WDR97: variants seen among roughly 807,000 people sequenced by gnomAD.
WDR97 encodes WD repeat domain 97, also known as WD repeat-containing protein 97.
In WDR97, 111 loss-of-function variants were observed where a neutral mutation model predicts 65.4. The observed-to-expected ratio is 1.70, with a 90% CI of 1.45 to 1.99. The LOEUF (loss-of-function observed/expected upper bound fraction) is 1.99. Among genes scored for constraint, WDR97 ranks in the 30% most tolerant of loss-of-function variants. WDR97 has a pLI of 0.00. For synonymous variants in WDR97, 802 were observed against 397.7 expected, an observed-to-expected ratio of 2.02 and a Z score of -12.10; for missense variants, 1,674 against 865.0, an observed-to-expected ratio of 1.94 and a Z score of -11.73.
At position 144,115,374 on chromosome 8, in the gene WDR97, G is replaced by A. The variant is rs575636670; in HGVS notation, c.4111G>A (p.Ala1371Thr). 8.5e-5 allele frequency: 52 copies of A among 614,996 alleles called. No homozygotes were observed. In the African/African-American group the frequency reaches 9.4e-4, roughly 11 times the overall value. The allele number at this position is 614,996 out of a possible 1,614,324, so 38.1% of individuals were successfully genotyped here. A position where few individuals can be genotyped will look rare whatever the true frequency, so the allele number is the denominator to read the frequency against. ...TPSQTSVVSG[A>T]PTRASVIPSG... The stretch of plus-strand genomic sequence containing the variant: ...ATCGCAGACGTCAGTGGTCTCTGGG[G>A]CACCCACACGCGCCTCCGTGATACC... The change falls in exon 22 of 24, where the codon GCA becomes ACA. Residue 1371 changes from alanine (A) to threonine (T), a missense_variant. By Grantham distance (58) the Ala-to-Thr change is moderately conservative. Transcript: ENST00000323662.
At chr8:144,111,071 C>T in intron 9 of WDR97, 30 bp from the exon 10 acceptor site, 1 of 702,728 alleles carries the variant, frequency 1.4e-6, no homozygotes, top group Non-Finnish European at 2.6e-6. Context: ...GTTCCCCCAG[C>T]CAGGGATACA....
At chr8:144,113,621 G>C (rs1165296431) in intron 16 of WDR97, 36 bp from the exon 17 acceptor site, 2 of 653,884 alleles carry the variant, frequency 3.1e-6, no homozygotes, top group South Asian at 3.3e-5. Flanking sequence ...TGCTGTCCTT[G>C]CAACCCATCA....
rs993884878 is a variant in WDR97 at position 144,109,251 on chromosome 8, G to T, written c.1000+81G>T. The stretch of plus-strand genomic sequence containing the variant: ...GCTGTCCAGCATCTCCGCAGCTCCG[G>T]CCAGGCCTTGCTGCGCTGACTGCAA... On this transcript the variant is annotated intron_variant, in intron 4 of 23. Transcript: ENST00000323662. 5 of 700,022 alleles carry T rather than the reference G, an allele frequency of 7.1e-6. No individual in the cohort carries two copies. In the Admixed American group the frequency reaches 1.0e-4, roughly 14 times the overall value. 43.4% of individuals were successfully genotyped at this position (700,022 alleles called of 1,614,324 possible). A position where few individuals can be genotyped will look rare whatever the true frequency, so the allele number is the denominator to read the frequency against.
chr8:144,116,604 TACTAGGTGTTG>T lies in WDR97; in HGVS notation c.*313_*323del, dbSNP rs1836673447. ...ACTGAGCAAACGTTTTCTGCTCAAG[TACTAGGTGTTG>T]AGATGCGGGCTGACCTTAGAGAACG... On this transcript the variant is annotated 3_prime_UTR_variant, in exon 24 of 24. Coordinates refer to ENST00000323662, the MANE Select transcript of WDR97 (RefSeq NM_001316309.2). The T allele has an allele frequency of 3.5e-6, 1 of 282,378 alleles. No individual in the cohort carries two copies. Among genetic ancestry groups the T allele is most frequent in the Non-Finnish European group, 6.6e-6 (1 of 152,254 alleles). The allele number at this position is 282,378 out of a possible 1,614,324, so 17.5% of individuals were successfully genotyped here. A position where few individuals can be genotyped will look rare whatever the true frequency, so the allele number is the denominator to read the frequency against.
At position 144,115,489 on chromosome 8, in the gene WDR97, C is replaced by G. The variant is rs1421549225; in HGVS notation, c.4226C>G (p.Pro1409Arg). 5.7e-6 allele frequency: 4 copies of G among 696,268 alleles called. No individual in the cohort carries two copies. The highest frequency in any genetic ancestry group is 2.7e-5 in the East Asian group (1 of 37,118). The allele number at this position is 696,268 out of a possible 1,614,324, so 43.1% of individuals were successfully genotyped here. The change falls in exon 22 of 24, where the codon CCG (proline) becomes CGG (arginine). Residue 1409 changes from proline to arginine, a missense_variant. By Grantham distance (103) the Pro-to-Arg change is moderately radical. Transcript: ENST00000323662. ...VPLMVVSPAE[P>R]HSLAPELQAQ... ...TTGATGGTGGTCTCACCTGCGGAGCCGCACTCTTTAGCCCCGGAGCTCCAG... is the reference window on the plus strand; with the variant it reads ...TTGATGGTGGTCTCACCTGCGGAGCGGCACTCTTTAGCCCCGGAGCTCCAG...
At position 144,108,135 on chromosome 8, in the gene WDR97, C is replaced by T. The variant is rs1175709968; in HGVS notation, c.189C>T (p.Arg63=). Residue 63 remains arginine (R), a synonymous_variant, in exon 2 of 24, where the codon CGC becomes CGT. Coordinates refer to ENST00000323662, the MANE Select transcript of WDR97 (RefSeq NM_001316309.2). The part of the protein sequence containing the change: ...SSQQWQSLTP[R]ARARRLWLLL... ...AACAGTGGCAAAGCCTGACCCCGCGCGCCCGCGCCCGCCGGCTGTGGCTGC... is the reference window on the plus strand; with the variant it reads ...AACAGTGGCAAAGCCTGACCCCGCGTGCCCGCGCCCGCCGGCTGTGGCTGC... 7.1e-6 allele frequency: 5 copies of T among 702,332 alleles called. No homozygotes were observed. The highest frequency in any genetic ancestry group is 3.0e-5 in the South Asian group (2 of 67,578). 43.5% of individuals were successfully genotyped at this position (702,332 alleles called of 1,614,324 possible).
In WDR97 at chr8:144,117,754, TA is replaced by T. The variant is rs1303686937; in HGVS notation, c.*1462del. The T allele has an allele frequency of 6.6e-6, 1 of 152,298 alleles. No homozygotes were observed. The highest frequency in any genetic ancestry group is 1.5e-5 in the Non-Finnish European group (1 of 68,128). 9.4% of individuals were successfully genotyped at this position (152,298 alleles called of 1,614,324 possible). On this transcript the variant is annotated 3_prime_UTR_variant, in exon 24 of 24. Coordinates refer to ENST00000323662, the MANE Select transcript of WDR97 (RefSeq NM_001316309.2). ...CCTCAGCCTCCTGAGTAGCTGGGAT[TA>T]CAGGCATGTGCCACCACGCCCAGCT...
chr8:144,116,230 C>G lies in WDR97; in HGVS notation c.4806C>G (p.Leu1602=). 1.5e-6 allele frequency: 1 copy of G among 682,224 alleles called. No individual in the cohort carries two copies. The highest frequency in any genetic ancestry group is 2.7e-6 in the Non-Finnish European group (1 of 373,818). 42.3% of individuals were successfully genotyped at this position (682,224 alleles called of 1,614,324 possible). ...CCCCGCGCCCGCTGCCCCCGCGGCT[C>G]CTGCAGCCGGCCCTGCAGCGCTACT... The part of the protein sequence containing the change: ...PMPPRPLPPR[L]LQPALQRYFL... The change falls in exon 24 of 24, where the codon CTC becomes CTG. Residue 1602 remains leucine (L), a synonymous_variant. Transcript: ENST00000323662.
Position 144,114,414 on chromosome 8 carries a change from A to C in WDR97, c.3731A>C (p.Gln1244Pro), listed in dbSNP as rs138789214. ...CTGCCCAACATGAGCAGTGATCTCCAAGGCCAGCTGCAGGGCCTGCTCGTA... is the reference window on the plus strand; with the variant it reads ...CTGCCCAACATGAGCAGTGATCTCCCAGGCCAGCTGCAGGGCCTGCTCGTA... The part of the protein sequence containing the change: ...RLLPNMSSDL[Q>P]GQLQGLLVHL... The change falls in exon 19 of 24, where the codon CAA becomes CCA. Residue 1244 changes from glutamine (Q) to proline (P), a missense_variant. Coordinates refer to ENST00000323662, the MANE Select transcript of WDR97 (RefSeq NM_001316309.2). The C allele has an allele frequency of 4.6e-4, 321 of 702,804 alleles. 1 individual carries two copies. In the African/African-American group the frequency reaches 4.9e-3, roughly 11 times the overall value. The allele number at this position is 702,804 out of a possible 1,614,324, so 43.5% of individuals were successfully genotyped here.
chr8:144,108,294 GCC>G lies in WDR97; in HGVS notation c.250-20_250-19del. 8.7e-6 allele frequency: 6 copies of G among 691,364 alleles called. No homozygotes were observed. Among genetic ancestry groups the G allele is most frequent in the Non-Finnish European group, 1.6e-5 (6 of 381,342 alleles). The allele number at this position is 691,364 out of a possible 1,614,324, so 42.8% of individuals were successfully genotyped here. On this transcript the variant is annotated intron_variant, in intron 2 of 23. Coordinates refer to ENST00000323662, the MANE Select transcript of WDR97 (RefSeq NM_001316309.2). ...GAGTAGCCCCAACCTTTGATTGCGG[GCC>G]CGCCCACCCCGGCCCACAGGAGAAG... is the stretch of plus-strand genomic sequence containing the variant.
chr8:144,116,104 C>T lies in WDR97; in HGVS notation c.4680C>T (p.Ser1560=), dbSNP rs1836657570. The part of the protein sequence containing the change: ...SAMRLRGPMR[S]RLCAGRTLDG... ...GCCCGCCCCCAGGCCCCATGCGGTC[C>T]CGGCTCTGTGCGGGCCGCACCCTGG... Residue 1560 remains serine (S), a synonymous_variant, in exon 24 of 24, where the codon TCC becomes TCT. Coordinates refer to ENST00000323662, the MANE Select transcript of WDR97 (RefSeq NM_001316309.2). 1.4e-6 allele frequency: 1 copy of T among 695,612 alleles called. No homozygotes were observed. Among genetic ancestry groups the T allele is most frequent in the East Asian group, 2.7e-5 (1 of 37,104 alleles). 43.1% of individuals were successfully genotyped at this position (695,612 alleles called of 1,614,324 possible). A position where few individuals can be genotyped will look rare whatever the true frequency, so the allele number is the denominator to read the frequency against.
chr8:144,109,603 C>G lies in WDR97; in HGVS notation c.1269C>G (p.Ala423=), dbSNP rs1318371682. 3 of 689,108 alleles carry G rather than the reference C, an allele frequency of 4.4e-6. No individual in the cohort carries two copies. The highest frequency in any genetic ancestry group is 5.5e-5 in the East Asian group (2 of 36,166). 42.7% of individuals were successfully genotyped at this position (689,108 alleles called of 1,614,324 possible). ...ACTCGCCGTTGGCGCAACTGCCCGC[C>G]AAGGTGCTCCACGTGCAGGTGGCGC... ...ELYSPLAQLP[A]KVLHVQVAPA... is the part of the protein sequence containing the mutation. The change falls in exon 5 of 24, where the codon GCC becomes GCG. Residue 423 remains alanine (A), a synonymous_variant. Transcript: ENST00000323662.
rs1476247154 is a variant in WDR97, at chr8:144,110,699, T to G, written c.2131T>G (p.Cys711Gly). Residue 711 changes from cysteine (C) to glycine (G), a missense_variant, in exon 8 of 24, where the codon TGC (cysteine) becomes GGC (glycine). By Grantham distance (159) the Cys-to-Gly change is radical. Transcript: ENST00000323662. ...LKLYACSSLD[C>G]TVRIWTAENR... ...ACTGTATGCCTGCTCCAGCCTGGAC[T>G]GCACCGTTCGCATCTGGACTGCTGA... is the stretch of plus-strand genomic sequence containing the variant. The G allele has an allele frequency of 1.4e-6, 1 of 701,520 alleles. No homozygotes were observed. The allele number at this position is 701,520 out of a possible 1,614,324, so 43.5% of individuals were successfully genotyped here. A position where few individuals can be genotyped will look rare whatever the true frequency, so the allele number is the denominator to read the frequency against.
In WDR97 at chr8:144,109,927, C is replaced by T; in HGVS notation, c.1593C>T (p.Ser531=). The part of the protein sequence containing the change: ...APQPCCLHLY[S]HLTDLEGAFS... ...AGCCTTGCTGTCTGCACCTGTACAGCCACCTCACGGATCTCGAAGGCGCCT... is the reference window on the plus strand; with the variant it reads ...AGCCTTGCTGTCTGCACCTGTACAGTCACCTCACGGATCTCGAAGGCGCCT... The change falls in exon 5 of 24, where the codon AGC becomes AGT. Residue 531 remains serine (S), a synonymous_variant. Coordinates refer to ENST00000323662, the MANE Select transcript of WDR97 (RefSeq NM_001316309.2). 1.4e-6 allele frequency: 1 copy of T among 702,124 alleles called. No homozygotes were observed. The highest frequency in any genetic ancestry group is 2.7e-5 in the East Asian group (1 of 37,274). 43.5% of individuals were successfully genotyped at this position (702,124 alleles called of 1,614,324 possible).
chr8:144,110,223 A>C lies in WDR97; in HGVS notation c.1810A>C (p.Ile604Leu), dbSNP rs1030083903. Residue 604 changes from isoleucine to leucine, a missense_variant, in exon 6 of 24, where the codon ATC (isoleucine) becomes CTC (leucine). Coordinates refer to ENST00000323662, the MANE Select transcript of WDR97 (RefSeq NM_001316309.2). ...GCACAGCCCGGGCCCGGTTGTCGCC[A>C]TCGCATCCACCTGGAACAGCATTGT... ...EAHSPGPVVA[I>L]ASTWNSIVSS... is the part of the protein sequence containing the mutation. 1.1e-5 allele frequency: 8 copies of C among 702,896 alleles called. No homozygotes were observed. Among genetic ancestry groups the C allele is most frequent in the Admixed American group, 2.0e-5 (1 of 50,022 alleles). The allele number at this position is 702,896 out of a possible 1,614,324, so 43.5% of individuals were successfully genotyped here.
Position 144,109,755 on chromosome 8 carries a change from A to G in WDR97, c.1421A>G (p.Glu474Gly). 1 of 679,824 alleles carries G rather than the reference A, an allele frequency of 1.5e-6. No individual in the cohort carries two copies. Among genetic ancestry groups the G allele is most frequent in the East Asian group, 2.9e-5 (1 of 34,982 alleles). 42.1% of individuals were successfully genotyped at this position (679,824 alleles called of 1,614,324 possible). A position where few individuals can be genotyped will look rare whatever the true frequency, so the allele number is the denominator to read the frequency against. ...RIVSSLLLEP[E>G]DCAAAVAYCL... ...GTGAGCTCACTGCTGCTGGAGCCGG[A>G]GGACTGCGCGGCAGCCGTGGCCTAC... The change falls in exon 5 of 24, where the codon GAG (glutamate) becomes GGG (glycine). Residue 474 changes from glutamate to glycine, a missense_variant. Glu to Gly is a moderately conservative substitution (Grantham distance 98, BLOSUM62 -2). Coordinates refer to ENST00000323662, the MANE Select transcript of WDR97 (RefSeq NM_001316309.2).
At position 144,110,984 on chromosome 8, in the gene WDR97, C is replaced by T. The variant is rs1347684173; in HGVS notation, c.2292C>T (p.Ser764=). 1 of 702,770 alleles carries T rather than the reference C, an allele frequency of 1.4e-6. No individual in the cohort carries two copies. 43.5% of individuals were successfully genotyped at this position (702,770 alleles called of 1,614,324 possible). A position where few individuals can be genotyped will look rare whatever the true frequency, so the allele number is the denominator to read the frequency against. ...LVSHRLYLPT[S]YLVKKMCRKA... is the part of the protein sequence containing the mutation. ...CCCACAGGCTCTACCTGCCTACATC[C>T]TACCTAGTTAAGGTGTGTGGTGAGG... Residue 764 remains serine (S), a synonymous_variant, in exon 9 of 24, where the codon TCC becomes TCT. Coordinates refer to ENST00000323662, the MANE Select transcript of WDR97 (RefSeq NM_001316309.2).
In WDR97 at chr8:144,111,326, G is replaced by A. The variant is rs188340505; in HGVS notation, c.2427-100G>A. The A allele has an allele frequency of 2.9e-4, 201 of 702,724 alleles. 2 individuals carry two copies. The East Asian group carries it at 5.0e-3, about 18-fold the overall frequency. 43.5% of individuals were successfully genotyped at this position (702,724 alleles called of 1,614,324 possible). A position where few individuals can be genotyped will look rare whatever the true frequency, so the allele number is the denominator to read the frequency against. ...CTGGAGTTGATACAAGCCTGCCTGA[G>A]CCCTGGCACACCCGTTTGGGGTTGG... On this transcript the variant is annotated intron_variant, in intron 10 of 23. Coordinates refer to ENST00000323662, the MANE Select transcript of WDR97 (RefSeq NM_001316309.2).
chr8:144,110,327 T>A lies in WDR97; in HGVS notation c.1844-14T>A, dbSNP rs1296900291. On this transcript the variant is annotated splice_polypyrimidine_tract_variant and intron_variant, in intron 6 of 23. Coordinates refer to ENST00000323662, the MANE Select transcript of WDR97 (RefSeq NM_001316309.2). ...CCCCTCCGACAAGGCCCAGCCAGAT[T>A]CCGCTGCCCACAGGTGGGGACCTGA... 2 of 702,628 alleles carry A rather than the reference T, an allele frequency of 2.8e-6. No homozygotes were observed. Among genetic ancestry groups the A allele is most frequent in the East Asian group, 5.4e-5 (2 of 37,286 alleles). The allele number at this position is 702,628 out of a possible 1,614,324, so 43.5% of individuals were successfully genotyped here. A position where few individuals can be genotyped will look rare whatever the true frequency, so the allele number is the denominator to read the frequency against.
Sources: gnomAD v4.1 joint callset for allele counts on GRCh38, gnomAD v4.1.1 for gene constraint, MANE v1.5 for transcripts, NCBI Gene and HGNC (gene_info 2026-07-23, HGNC 2026-07-21) for gene names.